LIPA: variants seen among roughly 807,000 people sequenced by gnomAD.
LIPA encodes lipase A, lysosomal acid type, also known as lysosomal acid lipase/cholesteryl ester hydrolase.
Under a neutral mutation model 40.6 loss-of-function variants are expected in LIPA, and 26 were observed. That is an observed-to-expected ratio of 0.64 (90% CI 0.47 to 0.89). The LOEUF (loss-of-function observed/expected upper bound fraction) is 0.89. Ranked by LOEUF, LIPA falls within the 40% of genes least tolerant of loss-of-function variation. The pLI, the probability that LIPA is intolerant of heterozygous loss-of-function variation, is 0.00. For synonymous variants in LIPA, 188 were observed against 168.4 expected (o/e 1.12, Z -0.90); for missense variants, 455 against 479.6 (o/e 0.95, Z 0.48).
chr10:89,388,869 C>T (rs1203968236), intron 2 of LIPA, among the ~76,000 whole-genome samples: 1 of 151,554 alleles, frequency 6.6e-6, no homozygotes, highest in African/African-American at 2.4e-5. Context: ...AACTGTGGGT[C>T]AAGGTGGGCT....
intron 2 of LIPA, among the ~76,000 whole-genome samples, chr10:89,353,512 A>C (rs1843971206): frequency 6.6e-6 from 1 of 152,138 alleles, no homozygotes; most frequent in South Asian, 2.1e-4. Flanking sequence ...TGCAAACCCC[A>C]AGTCAAAGGT....
At chr10:89,355,993 C>CA (rs770028064) in intron 2 of LIPA, among the ~76,000 whole-genome samples, 6 of 152,338 alleles carry the variant, frequency 3.9e-5, no homozygotes, top group Middle Eastern at 6.8e-3. Context: ...TAAGTATACA[C>CA]AGTTGAAAAG....
At chr10:89,410,578 C>A (rs887764441) in intron 2 of LIPA, among the ~76,000 whole-genome samples, 1 of 152,192 alleles carries the variant, frequency 6.6e-6, no homozygotes, top group Non-Finnish European at 1.5e-5. Flanking sequence ...GGGACCAGCA[C>A]CCAGTTAGGA....
chr10:89,319,906 G>A (rs964284394), intron 1 of LIPA, among the ~76,000 whole-genome samples: 6 of 152,156 alleles, frequency 3.9e-5, no homozygotes, highest in South Asian at 2.1e-4. Context: ...TGCAAGGCTG[G>A]TTCAACATAT....
chr10:89,250,119 TGAGACAGTC>T (rs1843097689), intron 1 of LIPA, among the ~76,000 whole-genome samples: 1 of 146,692 alleles, frequency 6.8e-6, no homozygotes, highest in Non-Finnish European at 1.5e-5. Flanking sequence ...TTTTTTTTTT[TGAGACAGTC>T]TTGCTCTGTC....
At chr10:89,310,130 A>C (rs1843507704) in intron 1 of LIPA, among the ~76,000 whole-genome samples, 1 of 152,206 alleles carries the variant, frequency 6.6e-6, no homozygotes, top group South Asian at 2.1e-4. Context: ...CAAGTGTGTT[A>C]GTGCCAGTGA....
chr10:89,356,412 C>T lies in LIPA; in HGVS notation c.61+56379G>A, dbSNP rs192671912. Among the ~76,000 whole-genome samples the T allele has an allele frequency of 5.9e-5, 9 of 152,302 alleles. No individual in the cohort carries two copies. The East Asian group carries it at 1.7e-3, about 29-fold the overall frequency. On this transcript the variant is annotated intron_variant, in intron 2 of 8. Transcript: ENST00000371837. Reference sequence around the variant, plus strand: ...ACTGGGCTATACAGCAGGAGGTGAGCAGCAGGCGAGCAATCAAAGCTTCCT... The same window carrying T: ...ACTGGGCTATACAGCAGGAGGTGAGTAGCAGGCGAGCAATCAAAGCTTCCT...
rs576379679 is a variant in LIPA at position 89,297,298 on chromosome 10, T to C, written c.-2+45313A>G. 2.0e-4 allele frequency among the ~76,000 whole-genome samples: 31 copies of C among 152,252 alleles called. No individual in the cohort carries two copies. In the South Asian group the frequency reaches 2.5e-3, roughly 12 times the overall value. On this transcript the variant is annotated intron_variant, in intron 1 of 5. Transcript: ENST00000282673. ...ACTCTGACACCAGTATGGGTGGTGA[T>C]TTGGAGACCCCACAAGGGTATTTCA...
At chr10:89,357,010 T>C (rs1843992323) in intron 2 of LIPA, among the ~76,000 whole-genome samples, 1 of 152,166 alleles carries the variant, frequency 6.6e-6, no homozygotes, top group South Asian at 2.1e-4. Context: ...TAATCATGCC[T>C]TGGTCTTTTT....
At chr10:89,321,963 G>T (rs561822158) in intron 1 of LIPA, among the ~76,000 whole-genome samples, 1 of 152,000 alleles carries the variant, frequency 6.6e-6, no homozygotes, top group African/African-American at 2.4e-5. Flanking sequence ...GCAAACTATC[G>T]CAAGGACAGA....
chr10:89,341,892 C>T (rs1431952739), intron 1 of LIPA, among the ~76,000 whole-genome samples: 1 of 152,092 alleles, frequency 6.6e-6, no homozygotes, highest in Non-Finnish European at 1.5e-5. Context: ...ATCATGGTGA[C>T]TATAGTTAAT....
chr10:89,351,604 G>C (rs1180303751), intron 2 of LIPA, among the ~76,000 whole-genome samples: 1 of 152,206 alleles, frequency 6.6e-6, no homozygotes, highest in African/African-American at 2.4e-5. Flanking sequence ...TTTCAGTTTA[G>C]AGTCAGAACA....
chr10:89,239,852 C>CGATGCAGCTGGGAATCAAACCCAGGTCA (rs1842945122), intron 3 of LIPA, among the ~76,000 whole-genome samples: 1 of 152,168 alleles, frequency 6.6e-6, no homozygotes, highest in Non-Finnish European at 1.5e-5. Flanking sequence ...AATTAGTATA[C>CGATGCAGCTGGGAATCAAACCCAGGTCA]GATGCAGCTG....
At chr10:89,221,536 G>C (rs1842698464) in intron 8 of LIPA, among the ~76,000 whole-genome samples, 1 of 152,170 alleles carries the variant, frequency 6.6e-6, no homozygotes, top group Admixed American at 6.5e-5. Context: ...AAAGCAATTT[G>C]GTGATTCTGA....
chr10:89,322,437 C>G (rs757719673), intron 1 of LIPA, among the ~76,000 whole-genome samples: 1 of 150,984 alleles, frequency 6.6e-6, no homozygotes, highest in African/African-American at 2.5e-5. Flanking sequence ...CCGGGCTCAG[C>G]GTGGATCCAG....
intron 1 of LIPA, chr10:89,302,005 G>C: frequency 9.8e-7 from 1 of 1,024,830 alleles, no homozygotes; most frequent in Non-Finnish European, 1.4e-6. Flanking sequence ...AAAGGAACCA[G>C]AGGCCACTTG....
At chr10:89,363,339 G>A (rs1844034670) in intron 2 of LIPA, 1 of 152,194 alleles carries the variant, frequency 6.6e-6, no homozygotes, top group Non-Finnish European at 1.5e-5. Flanking sequence ...GCAGAGGGAG[G>A]TGAACACCAA....
intron 2 of LIPA, chr10:89,405,617 C>G (rs1844517407): frequency 6.6e-6 from 1 of 152,216 alleles, no homozygotes; most frequent in Non-Finnish European, 1.5e-5. Context: ...GGCAGATAGC[C>G]TTTTCCAGCT....
At chr10:89,244,540 C>A (rs7922536) in intron 3 of LIPA, among the ~76,000 whole-genome samples, 25 of 152,060 alleles carry the variant, frequency 1.6e-4, no homozygotes, top group African/African-American at 5.8e-4. Flanking sequence ...CAAGATTGCA[C>A]CATTGCATTC....
Sources: allele counts gnomAD v4.1 joint callset (sites outside exome capture counted in the v4.1 genomes callset), GRCh38; gene constraint gnomAD v4.1.1; transcripts MANE v1.5; gene names NCBI Gene and HGNC (gene_info 2026-07-23, HGNC 2026-07-21).